The following TAF13 variants were observed in gnomAD, a reference collection of about 807,000 sequenced individuals.
TAF13 encodes the protein TATA-box binding protein associated factor 13.
TAF13 carries 9 observed loss-of-function variants against 18.7 expected under a neutral mutation model. That is an observed-to-expected ratio of 0.48 (90% CI 0.29 to 0.84). The LOEUF (loss-of-function observed/expected upper bound fraction) is 0.84. Ranked by LOEUF, TAF13 falls within the 40% of genes least tolerant of loss-of-function variation. TAF13 has a pLI of 0.08. For missense variants in TAF13, 105 were observed against 146.5 expected (o/e 0.72, Z 1.46); for synonymous variants, 49 against 44.1 (o/e 1.11, Z -0.44).
Position 109,066,241 on chromosome 1 carries a change from GAACA to G in TAF13, c.107-13_107-10del. On this transcript the variant is annotated splice_polypyrimidine_tract_variant and intron_variant, in intron 2 of 3. Coordinates refer to ENST00000338366, the MANE Select transcript of TAF13 (RefSeq NM_005645.4). ...ATACATCATACATCGCACTGTAAAA[GAACA>G]ATCACTTACTTTTGTTTACTTTTAC... is the stretch of plus-strand genomic sequence containing the variant. The G allele has an allele frequency of 2.5e-6, 4 of 1,573,656 alleles. No homozygotes were observed. Among genetic ancestry groups the G allele is most frequent in the Non-Finnish European group, 2.6e-6 (3 of 1,162,706 alleles).
chr1:109,072,019 CACATATATAT>C (rs1345901725), intron 2 of TAF13, among the ~76,000 whole-genome samples: 6 of 4,500 alleles, frequency 1.3e-3, no homozygotes, highest in South Asian at 7.7e-3. Flanking sequence ...TATATACACA[CACATATATAT>C]ATATATATAT....
At position 109,068,739 on chromosome 1, in the gene TAF13, C is replaced by T. The variant is rs1269749557; in HGVS notation, c.107-2507G>A. Among the ~76,000 whole-genome samples the T allele has an allele frequency of 4.6e-5, 7 of 152,260 alleles. No individual in the cohort carries two copies. The South Asian group carries it at 6.2e-4, about 14-fold the overall frequency. The stretch of plus-strand genomic sequence containing the variant: ...CCTTGAAGGCCAGCGCGGTGGTTCA[C>T]GCCTATAATTCCAGCACTTTGGGAG... On this transcript the variant is annotated intron_variant, in intron 2 of 3. Coordinates refer to ENST00000338366, the MANE Select transcript of TAF13 (RefSeq NM_005645.4).
intron 2 of TAF13, among the ~76,000 whole-genome samples, chr1:109,071,954 G>GAAAA (rs1171636503): frequency 2.5e-5 from 1 of 40,456 alleles, no homozygotes; most frequent in Non-Finnish European, 5.4e-5. Flanking sequence ...GTCTCAAAAA[G>GAAAA]AAAATATATA....
At position 109,073,173 on chromosome 1, in the gene TAF13, G is replaced by A. The variant is rs188988953; in HGVS notation, c.106+1814C>T. On this transcript the variant is annotated intron_variant, in intron 2 of 3. Transcript: ENST00000338366. ...AAAGAAGCCTCTCTACTGCTGTAAAGGCAAGAGGAAAACTAATGGAGGTAT... is the reference window on the plus strand; with the variant it reads ...AAAGAAGCCTCTCTACTGCTGTAAAAGCAAGAGGAAAACTAATGGAGGTAT... 3.3e-5 allele frequency among the ~76,000 whole-genome samples: 5 copies of A among 152,220 alleles called. No homozygotes were observed. The East Asian group carries it at 9.7e-4, about 29-fold the overall frequency.
chr1:109,068,430 C>T (rs990400630), intron 2 of TAF13, among the ~76,000 whole-genome samples: 1 of 152,200 alleles, frequency 6.6e-6, no homozygotes, highest in Non-Finnish European at 1.5e-5. Flanking sequence ...AGCTACCACA[C>T]CCAGCCATTT....
At position 109,076,001 on chromosome 1, in the gene TAF13, A is replaced by C. The variant is rs1415956930; in HGVS notation, c.-54T>G. 2 of 1,613,534 alleles carry C rather than the reference A, an allele frequency of 1.2e-6. No individual in the cohort carries two copies. The highest frequency in any genetic ancestry group is 3.3e-5 in the Admixed American group (2 of 59,988). ...TGCCGGCTGGCTCCCAGCTGGTTACACTACTTCCGCCGCCTCACTTCCGGT... is the reference window on the plus strand; with the variant it reads ...TGCCGGCTGGCTCCCAGCTGGTTACCCTACTTCCGCCGCCTCACTTCCGGT... On this transcript the variant is annotated 5_prime_UTR_variant, in exon 1 of 4. Transcript: ENST00000338366.
At chr1:109,071,325 C>T (rs1050951590) in intron 2 of TAF13, among the ~76,000 whole-genome samples, 2 of 151,408 alleles carry the variant, frequency 1.3e-5, no homozygotes, top group African/African-American at 4.9e-5. Flanking sequence ...CCTGTAATCC[C>T]AGCTACTTGG....
intron 2 of TAF13, among the ~76,000 whole-genome samples, chr1:109,073,899 G>A (rs375891488): frequency 1.9e-4 from 29 of 151,410 alleles, no homozygotes; most frequent in African/African-American, 6.8e-4. Context: ...CTGCTCGGCC[G>A]CTACTCCGTC....
intron 2 of TAF13, among the ~76,000 whole-genome samples, chr1:109,068,256 C>T (rs1663985537): frequency 6.6e-6 from 1 of 152,180 alleles, no homozygotes; most frequent in Non-Finnish European, 1.5e-5. Context: ...AAACTTTAGC[C>T]TCCAAGTAGC....
At chr1:109,073,228 TA>T (rs2102111887) in intron 2 of TAF13, among the ~76,000 whole-genome samples, 1 of 151,964 alleles carries the variant, frequency 6.6e-6, no homozygotes, top group South Asian at 2.1e-4. Flanking sequence ...AAACACTAAT[TA>T]CATTTGCTCA....
intron 2 of TAF13, among the ~76,000 whole-genome samples, chr1:109,068,573 C>A (rs1663990366): frequency 6.6e-6 from 1 of 152,038 alleles, no homozygotes; most frequent in Admixed American, 6.6e-5. Flanking sequence ...GTCTTGAACT[C>A]CTGGACTCAA....
chr1:109,075,765 C>T (rs1170324765), intron 1 of TAF13, among the ~76,000 whole-genome samples, 156 bp downstream of exon 1: 1 of 152,180 alleles, frequency 6.6e-6, no homozygotes, highest in Non-Finnish European at 1.5e-5. Flanking sequence ...ATGTCCTTCC[C>T]CACTTTCTAA....
chr1:109,075,180 G>GA, intron 1 of TAF13, 115 bp from the exon 2 acceptor site: 6 of 814,994 alleles, frequency 7.4e-6, no homozygotes, highest in East Asian at 2.7e-5. Flanking sequence ...AAAGGAAGCA[G>GA]CAAAAAAAAA....
intron 2 of TAF13, among the ~76,000 whole-genome samples, chr1:109,073,278 G>A (rs760597917): frequency 7.3e-5 from 11 of 151,520 alleles, no homozygotes; most frequent in Admixed American, 7.2e-4. Context: ...AGTGGCTCAC[G>A]CCTGTAATCC....
rs2102104404 is a variant in TAF13, at chr1:109,064,595, T to C, written c.303A>G (p.Lys101=). Residue 101 remains lysine (K), a synonymous_variant, in exon 4 of 4, where the codon AAA becomes AAG. Coordinates refer to ENST00000338366, the MANE Select transcript of TAF13 (RefSeq NM_005645.4). ...RKDPRKFARV[K]DLLTMNEELK... is the part of the protein sequence containing the mutation. ...ATTCTTCATTCATAGTAAGCAAGTCTTTAACCCTGGCAAACTTCCTTGGGT... is the reference window on the plus strand; with the variant it reads ...ATTCTTCATTCATAGTAAGCAAGTCCTTAACCCTGGCAAACTTCCTTGGGT... 6.3e-7 allele frequency: 1 copy of C among 1,586,330 alleles called. No individual in the cohort carries two copies. The highest frequency in any genetic ancestry group is 8.6e-7 in the Non-Finnish European group (1 of 1,167,000).
intron 1 of TAF13, 69 bp from the exon 2 acceptor site, chr1:109,075,134 T>C: frequency 7.8e-7 from 1 of 1,280,722 alleles, no homozygotes; most frequent in Non-Finnish European, 1.1e-6. Context: ...AATAATGACA[T>C]TTTTTTTTCC....
At chr1:109,070,921 A>G (rs1362463403) in intron 2 of TAF13, among the ~76,000 whole-genome samples, 1 of 152,194 alleles carries the variant, frequency 6.6e-6, no homozygotes, top group East Asian at 1.9e-4. Flanking sequence ...AAACCACATA[A>G]TGGTATAAGG....
intron 2 of TAF13, among the ~76,000 whole-genome samples, chr1:109,071,916 C>T (rs1221722479): frequency 1.3e-5 from 2 of 148,664 alleles, no homozygotes; most frequent in East Asian, 4.0e-4. Context: ...TGCGCCATTA[C>T]ACTCCAGACT....
intron 2 of TAF13, among the ~76,000 whole-genome samples, chr1:109,067,733 C>T (rs1300532363): frequency 6.6e-6 from 1 of 152,184 alleles, no homozygotes; most frequent in Non-Finnish European, 1.5e-5. Flanking sequence ...ATGCCAGGTA[C>T]TGTCTTAAGT....
Sources: allele counts gnomAD v4.1 joint callset (sites outside exome capture counted in the v4.1 genomes callset), GRCh38; gene constraint gnomAD v4.1.1; transcripts MANE v1.5; gene names NCBI Gene and HGNC (gene_info 2026-07-23, HGNC 2026-07-21).